The following SRGAP2C variants were observed in gnomAD, a reference collection of about 807,000 sequenced individuals.
SRGAP2C encodes the protein SLIT-ROBO Rho GTPase activating protein 2C, also known as SLIT-ROBO Rho GTPase-activating protein 2C.
In SRGAP2C, 15 loss-of-function variants were observed where a neutral mutation model predicts 25.1. The ratio of observed to expected loss-of-function variants is 0.60; its 90% CI spans 0.40 to 0.92. The LOEUF is 0.92. Ranked by LOEUF, SRGAP2C falls within the 40% of genes least tolerant of loss-of-function variation. The probability of loss-of-function intolerance (pLI) is 0.00; values close to 1 mark genes in which losing one functional copy is unlikely to be tolerated. For synonymous variants in SRGAP2C, 44 were observed against 96.6 expected (o/e 0.46, Z 3.19); for missense variants, 144 against 264.4 (o/e 0.54, Z 3.16).
chr1:121,345,596 T>C (rs2101627631), intron 4 of SRGAP2C, among the ~76,000 whole-genome samples: 1 of 151,684 alleles, frequency 6.6e-6, no homozygotes, highest in South Asian at 2.1e-4. Flanking sequence ...TGGGGGAAAA[T>C]ATCACATTTT....
intron 8 of SRGAP2C, among the ~76,000 whole-genome samples, chr1:121,384,850 C>T (rs1489567163): frequency 1.3e-5 from 2 of 152,186 alleles, no homozygotes; most frequent in Non-Finnish European, 2.9e-5. Flanking sequence ...TCTGCTACTT[C>T]TTAAAGGAAC....
At chr1:121,309,239 G>A (rs1349176331) in intron 3 of SRGAP2C, among the ~76,000 whole-genome samples, 3 of 109,290 alleles carry the variant, frequency 2.7e-5, no homozygotes, top group African/African-American at 1.0e-4. Flanking sequence ...TGTGTGTTAG[G>A]CAGGGCAGGT....
intron 2 of SRGAP2C, among the ~76,000 whole-genome samples, chr1:121,188,078 G>T (rs1438560072): frequency 6.6e-6 from 1 of 152,054 alleles, no homozygotes; most frequent in Admixed American, 6.5e-5. Context: ...GTCTCTGGTC[G>T]GCCTGCATAC....
intron 2 of SRGAP2C, among the ~76,000 whole-genome samples, chr1:121,233,773 GAT>G (rs1239235974): frequency 1.3e-5 from 2 of 151,360 alleles, no homozygotes; most frequent in Admixed American, 6.6e-5. Context: ...CAAGCAAAAA[GAT>G]ATTAGCACAG....
intron 4 of SRGAP2C, among the ~76,000 whole-genome samples, chr1:121,345,740 C>T (rs868947291): frequency 1.7e-4 from 25 of 148,556 alleles, no homozygotes; most frequent in South Asian, 4.3e-4. Flanking sequence ...TAACCCCCGC[C>T]TCCCAGGTTC....
intron 3 of SRGAP2C, among the ~76,000 whole-genome samples, chr1:121,318,640 A>G (rs1658135255): frequency 1.2e-5 from 1 of 82,860 alleles, no homozygotes; most frequent in Non-Finnish European, 2.6e-5. Flanking sequence ...AAAAGCGAGA[A>G]ATTATATTCT....
At chr1:121,282,666 C>T in intron 2 of SRGAP2C, among the ~76,000 whole-genome samples, 1 of 151,786 alleles carries the variant, frequency 6.6e-6, no homozygotes, top group Non-Finnish European at 1.5e-5. Context: ...GCCATTCTCC[C>T]ACCTCAGCCT....
intron 2 of SRGAP2C, among the ~76,000 whole-genome samples, chr1:121,225,932 T>A (rs1228759184): frequency 6.8e-6 from 1 of 146,138 alleles, no homozygotes; most frequent in Non-Finnish European, 1.5e-5. Context: ...CTCAAACTTC[T>A]GACCTCAGGT....
chr1:121,367,888 C>A (rs587734897), intron 5 of SRGAP2C, among the ~76,000 whole-genome samples: 1 of 142,338 alleles, frequency 7.0e-6, no homozygotes. Context: ...TCCTGGCTAA[C>A]ACGGTGAAAC....
chr1:121,204,547 A>G (rs1553322263), intron 2 of SRGAP2C, among the ~76,000 whole-genome samples: 1 of 151,854 alleles, frequency 6.6e-6, no homozygotes, highest in African/African-American at 2.4e-5. Flanking sequence ...GGCGTGAGCC[A>G]CCGTGCCCGG....
chr1:121,236,022 C>T (rs1655949204), intron 2 of SRGAP2C, among the ~76,000 whole-genome samples: 1 of 136,370 alleles, frequency 7.3e-6, no homozygotes, highest in Admixed American at 7.5e-5. Context: ...CTCCCATGGC[C>T]TTTTGACGTG....
At chr1:121,339,502 T>A (rs1658602196) in intron 4 of SRGAP2C, among the ~76,000 whole-genome samples, 1 of 135,686 alleles carries the variant, frequency 7.4e-6, no homozygotes, top group Non-Finnish European at 1.6e-5. Flanking sequence ...GTGATCTGCC[T>A]GCCTTGGCCT....
chr1:121,212,154 G>T (rs1254496703), intron 2 of SRGAP2C, among the ~76,000 whole-genome samples: 1 of 116,726 alleles, frequency 8.6e-6, no homozygotes, highest in South Asian at 3.1e-4. Context: ...TTTTTGAGAC[G>T]GAGTCTCGCT....
chr1:121,288,993 A>G (rs1657432292), intron 3 of SRGAP2C, among the ~76,000 whole-genome samples: 1 of 144,804 alleles, frequency 6.9e-6, no homozygotes, highest in Non-Finnish European at 1.5e-5. Context: ...TGAGCTACAT[A>G]TAAAGACTCT....
intron 4 of SRGAP2C, among the ~76,000 whole-genome samples, chr1:121,354,328 TTTCTTTCTC>T (rs1659004746): frequency 3.1e-5 from 2 of 64,742 alleles, no homozygotes; most frequent in Admixed American, 1.6e-4. Context: ...CTTTCTTTCT[TTTCTTTCTC>T]TCTCTCTCTT....
intron 2 of SRGAP2C, among the ~76,000 whole-genome samples, chr1:121,264,925 G>C (rs1381437092): frequency 8.3e-6 from 1 of 120,288 alleles, no homozygotes; most frequent in Non-Finnish European, 1.7e-5. Context: ...GGCAGGGCAT[G>C]GTGGCTCACG....
intron 2 of SRGAP2C, among the ~76,000 whole-genome samples, chr1:121,263,356 G>T (rs1398194598): frequency 1.3e-5 from 2 of 148,958 alleles, no homozygotes; most frequent in Admixed American, 1.3e-4. Context: ...ACTTGAACCC[G>T]GGAGGCGGTG....
At chr1:121,198,354 C>T (rs1654893078) in intron 2 of SRGAP2C, among the ~76,000 whole-genome samples, 1 of 139,532 alleles carries the variant, frequency 7.2e-6, no homozygotes, top group Non-Finnish European at 1.5e-5. Context: ...GGAGAGGTGA[C>T]CCAGAAATCA....
At chr1:121,279,534 T>A (rs1371452563) in intron 2 of SRGAP2C, among the ~76,000 whole-genome samples, 1 of 151,758 alleles carries the variant, frequency 6.6e-6, no homozygotes. Flanking sequence ...ATGATCAGTA[T>A]CCTATTAGGG....
Sources: gnomAD v4.1 joint callset for allele counts (sites outside exome capture counted in the v4.1 genomes callset) on GRCh38, gnomAD v4.1.1 for gene constraint, MANE v1.5 for transcripts, NCBI Gene and HGNC (gene_info 2026-07-23, HGNC 2026-07-21) for gene names.